The following NDUFS1 variants were observed in gnomAD, a reference collection of about 807,000 sequenced individuals.
NDUFS1 encodes the protein NADH-ubiquinone oxidoreductase 75 kDa subunit, mitochondrial.
NDUFS1 carries 61 observed loss-of-function variants against 84.4 expected under a neutral mutation model. That is an observed-to-expected ratio of 0.72 (90% CI 0.59 to 0.89). The LOEUF is 0.89. NDUFS1 is among the 40% of genes least tolerant of loss of function. The probability of loss-of-function intolerance (pLI) is 0.00; values close to 1 mark genes in which losing one functional copy is unlikely to be tolerated. For synonymous variants in NDUFS1, 275 were observed against 290.0 expected (o/e 0.95, Z 0.53); for missense variants, 891 against 890.0 (o/e 1.00, Z -0.01).
chr2:206,154,043 AAAGTT>A (rs775443533), intron 1 of NDUFS1, among the ~76,000 whole-genome samples: 1 of 152,242 alleles, frequency 6.6e-6, no homozygotes, highest in Non-Finnish European at 1.5e-5. Flanking sequence ...TATGTAAAAT[AAAGTT>A]GTCTTTTCTG....
At chr2:206,147,142 T>G in intron 7 of NDUFS1, 54 bp from the exon 8 acceptor site, 1 of 1,537,266 alleles carries the variant, frequency 6.5e-7, no homozygotes, top group South Asian at 1.1e-5. Context: ...ATTATTTCCT[T>G]TCTTATTCAT....
At chr2:206,154,005 G>C (rs1687521410) in intron 1 of NDUFS1, among the ~76,000 whole-genome samples, 1 of 152,186 alleles carries the variant, frequency 6.6e-6, no homozygotes, top group Admixed American at 6.5e-5. Flanking sequence ...TAAACTGCAA[G>C]ACTAACAGTG....
At chr2:206,150,907 GTTT>G (rs373076284) in intron 3 of NDUFS1, among the ~76,000 whole-genome samples, 2 of 148,646 alleles carry the variant, frequency 1.3e-5, no homozygotes, top group African/African-American at 4.9e-5. Context: ...CTTCTTTTGT[GTTT>G]TTTTTTTCTC....
At chr2:206,133,917 T>C (rs1399302613) in intron 13 of NDUFS1, among the ~76,000 whole-genome samples, 6 of 152,134 alleles carry the variant, frequency 3.9e-5, no homozygotes, top group Admixed American at 3.3e-4. Flanking sequence ...GAGGCGGAGG[T>C]TGCAGTGGGC....
At chr2:206,129,209 TCAA>T (rs1199841551) in intron 15 of NDUFS1, among the ~76,000 whole-genome samples, 1 of 152,226 alleles carries the variant, frequency 6.6e-6, no homozygotes, top group Non-Finnish European at 1.5e-5. Context: ...ATATCAAAAC[TCAA>T]CAATGATTAT....
intron 13 of NDUFS1, among the ~76,000 whole-genome samples, chr2:206,136,763 T>TC (rs1691733073): frequency 7.1e-6 from 1 of 141,570 alleles, no homozygotes. Flanking sequence ...TCTTTTTTTC[T>TC]TTTTTTTTTG....
chr2:206,153,796 T>C (rs1692467137), intron 1 of NDUFS1, 114 bp from the exon 2 acceptor site: 8 of 655,676 alleles, frequency 1.2e-5, no homozygotes, highest in Middle Eastern at 8.6e-4. Context: ...TGAACACTCA[T>C]AGGTTCTGAT....
At chr2:206,128,045 T>C (rs1691361412) in intron 15 of NDUFS1, 73 bp from the exon 16 acceptor site, 3 of 1,468,106 alleles carry the variant, frequency 2.0e-6, no homozygotes, top group Non-Finnish European at 1.9e-6. Flanking sequence ...GAAGATAGTA[T>C]ATATCATTTT....
chr2:206,133,125 A>G lies in NDUFS1; in HGVS notation c.1393-20T>C, dbSNP rs1413069644. On this transcript the variant is annotated intron_variant, in intron 13 of 18. Coordinates refer to ENST00000233190, the MANE Select transcript of NDUFS1 (RefSeq NM_005006.7). ...TAGGACCTATTTAAAAAAAAAAACA[A>G]CTTTGATTTTAAAATATTACAAGTA... 1 of 1,578,818 alleles carries G rather than the reference A, an allele frequency of 6.3e-7. No homozygotes were observed. The highest frequency in any genetic ancestry group is 2.2e-5 in the East Asian group (1 of 44,478).
In NDUFS1 at chr2:206,144,079, T is replaced by C. The variant is rs774168387; in HGVS notation, c.926A>G (p.Asn309Ser). 1.2e-4 allele frequency: 196 copies of C among 1,614,032 alleles called. No individual in the cohort carries two copies. The highest frequency in any genetic ancestry group is 1.5e-4 in the Non-Finnish European group (182 of 1,180,002). ...AGTATAGGTTAAAAGCCCTTTTTCATTTCTGACCATTGGCTCGGTAAGTCT... is the reference window on the plus strand; with the variant it reads ...AGTATAGGTTAAAAGCCCTTTTTCACTTCTGACCATTGGCTCGGTAAGTCT... ...RQRLTEPMVR[N>S]EKGLLTYTSW... Residue 309 changes from asparagine (N) to serine (S), a missense_variant, in exon 10 of 19, where the codon AAT becomes AGT. Coordinates refer to ENST00000233190, the MANE Select transcript of NDUFS1 (RefSeq NM_005006.7).
At chr2:206,129,097 T>C (rs1378004874) in intron 15 of NDUFS1, among the ~76,000 whole-genome samples, 1 of 152,132 alleles carries the variant, frequency 6.6e-6, no homozygotes, top group Non-Finnish European at 1.5e-5. Flanking sequence ...AGAAGACCTT[T>C]AGAAACATCT....
intron 1 of NDUFS1, among the ~76,000 whole-genome samples, chr2:206,158,566 G>A (rs1687770463): frequency 6.6e-6 from 1 of 152,092 alleles, no homozygotes; most frequent in South Asian, 2.1e-4. Flanking sequence ...CCACTTTCCC[G>A]GATTTAAAAA....
intron 3 of NDUFS1, among the ~76,000 whole-genome samples, chr2:206,151,421 T>G (rs1329904594): frequency 6.6e-6 from 1 of 152,210 alleles, no homozygotes; most frequent in Non-Finnish European, 1.5e-5. Context: ...ACACACCTGT[T>G]CATCCTTTAA....
At chr2:206,151,015 C>T (rs1413415176) in intron 3 of NDUFS1, among the ~76,000 whole-genome samples, 1 of 152,126 alleles carries the variant, frequency 6.6e-6, no homozygotes, top group Non-Finnish European at 1.5e-5. Flanking sequence ...TTCATTCTCC[C>T]TTGAATCTAC....
intron 4 of NDUFS1, among the ~76,000 whole-genome samples, chr2:206,149,377 A>C (rs539988690): frequency 6.6e-6 from 1 of 152,328 alleles, no homozygotes; most frequent in South Asian, 2.1e-4. Context: ...AGAACACCAA[A>C]TAACTGCTTT....
At chr2:206,144,278 G>C in intron 9 of NDUFS1, 146 bp from the exon 10 acceptor site, 1 of 641,534 alleles carries the variant, frequency 1.6e-6, no homozygotes, top group Non-Finnish European at 2.7e-6. Flanking sequence ...AATTATTCCA[G>C]ATATTTTTAG....
intron 13 of NDUFS1, among the ~76,000 whole-genome samples, chr2:206,135,546 G>A (rs996426324): frequency 5.3e-5 from 8 of 151,762 alleles, no homozygotes; most frequent in African/African-American, 1.4e-4. Context: ...GGTGGCGTGC[G>A]CCTGTAGTCC....
chr2:206,126,603 G>T lies in NDUFS1; in HGVS notation c.2028C>A (p.Asn676Lys). The T allele has an allele frequency of 1.9e-6, 3 of 1,614,106 alleles. No individual in the cohort carries two copies. The highest frequency in any genetic ancestry group is 2.5e-6 in the Non-Finnish European group (3 of 1,180,022). The stretch of plus-strand genomic sequence containing the variant: ...CAAGTGGGTCAGCAAGAAGCTGCTG[G>T]TTCACTAGCTGCACAAAAAAGAAGA... ...QQANELSKLV[N>K]QQLLADPLVP... The change falls in exon 18 of 19, where the codon AAC (asparagine) becomes AAA (lysine). Residue 676 changes from asparagine (N) to lysine (K), a missense_variant. Asn to Lys is a moderately conservative substitution (Grantham distance 94). Transcript: ENST00000233190.
Position 206,116,363 on chromosome 2 carries a change from A to G in NDUFS1, c.*7822T>C, listed in dbSNP as rs1690942146. The G allele has an allele frequency of 4.7e-6, 4 of 847,104 alleles. No individual in the cohort carries two copies. The highest frequency in any genetic ancestry group is 2.2e-4 in the Middle Eastern group (1 of 4,486). The allele number at this position is 847,104 out of a possible 1,614,324, so 52.5% of individuals were successfully genotyped here. On this transcript the variant is annotated 3_prime_UTR_variant, in exon 19 of 19. Coordinates refer to ENST00000233190, the MANE Select transcript of NDUFS1 (RefSeq NM_005006.7). Reference sequence around the variant, plus strand: ...ATCTTGTTTGTTCAATTTTGTCCCAACTTCAGGCAGATTACAGTAACCAGA... The same window carrying G: ...ATCTTGTTTGTTCAATTTTGTCCCAGCTTCAGGCAGATTACAGTAACCAGA...
Sources: gnomAD v4.1 joint callset for allele counts (sites outside exome capture counted in the v4.1 genomes callset) on GRCh38, gnomAD v4.1.1 for gene constraint, MANE v1.5 for transcripts, NCBI Gene and HGNC (gene_info 2026-07-23, HGNC 2026-07-21) for gene names.